Variants in NTRK3 observed in about 807,000 individuals in gnomAD.
NTRK3 encodes NT-3 growth factor receptor.
A neutral mutation model predicts 91.7 loss-of-function variants in NTRK3; 24 were observed. That is an observed-to-expected ratio of 0.26 (90% confidence interval 0.19 to 0.37). The LOEUF (loss-of-function observed/expected upper bound fraction) is 0.37. Ranked by LOEUF, NTRK3 falls within the 10% of genes least tolerant of loss-of-function variation. NTRK3 has a pLI of 1.00. For synonymous variants in NTRK3, 483 were observed against 404.0 expected (o/e 1.20, Z -2.34); for missense variants, 880 against 1,068.9 (o/e 0.82, Z 2.46).
intron 3 of NTRK3, among the ~76,000 whole-genome samples, chr15:88,198,526 C>T (rs1321973019): frequency 6.6e-6 from 1 of 152,198 alleles, no homozygotes; most frequent in African/African-American, 2.4e-5. Context: ...CCCTCTAATT[C>T]CTGAGAAATT....
At chr15:88,103,841 A>G (rs546981146) in intron 13 of NTRK3, among the ~76,000 whole-genome samples, 38 of 152,300 alleles carry the variant, frequency 2.5e-4, no homozygotes, top group African/African-American at 8.4e-4. Context: ...TTGAGAGCCA[A>G]AGGGCAATAG....
intron 13 of NTRK3, among the ~76,000 whole-genome samples, chr15:88,070,624 G>C (rs1435651775): frequency 6.6e-6 from 1 of 151,890 alleles, no homozygotes; most frequent in Non-Finnish European, 1.5e-5. Flanking sequence ...CTTCCTTCCT[G>C]ATCTCCAGTA....
At chr15:87,976,539 T>A (rs2073730724) in intron 14 of NTRK3, among the ~76,000 whole-genome samples, 1 of 152,150 alleles carries the variant, frequency 6.6e-6, no homozygotes, top group African/African-American at 2.4e-5. Context: ...TCTTGCTCCA[T>A]CTCTCCTGCA....
chr15:87,889,289 A>T (rs1284644574), intron 17 of NTRK3, among the ~76,000 whole-genome samples: 1 of 152,180 alleles, frequency 6.6e-6, no homozygotes, highest in Non-Finnish European at 1.5e-5. Context: ...TAGGCTTGAC[A>T]GCAAACCCAA....
chr15:88,149,244 C>T (rs1214437400), intron 5 of NTRK3, among the ~76,000 whole-genome samples: 1 of 152,082 alleles, frequency 6.6e-6, no homozygotes, highest in Non-Finnish European at 1.5e-5. Context: ...CTTGGTTCCA[C>T]CCCAGCCTGA....
Position 88,017,301 on chromosome 15 carries a change from C to A in NTRK3, c.1585+15556G>T, listed in dbSNP as rs565923989. 2.0e-5 allele frequency among the ~76,000 whole-genome samples: 3 copies of A among 152,330 alleles called. No homozygotes were observed. In the East Asian group the frequency reaches 5.8e-4, roughly 29 times the overall value. The stretch of plus-strand genomic sequence containing the variant: ...TAGAAGCTCAGCCCAAGACCAGGAA[C>A]CCTTCATACAGCTCCCCCTTTAGAC... On this transcript the variant is annotated intron_variant, in intron 14 of 18. Coordinates refer to ENST00000394480, the Ensembl canonical transcript of NTRK3.
chr15:88,180,239 T>A (rs1438526531), intron 5 of NTRK3, among the ~76,000 whole-genome samples: 1 of 152,162 alleles, frequency 6.6e-6, no homozygotes, highest in African/African-American at 2.4e-5. Flanking sequence ...ATCTCAGAAA[T>A]CCTTATCCTT....
At chr15:87,895,169 G>C (rs1427057389) in intron 17 of NTRK3, among the ~76,000 whole-genome samples, 1 of 152,144 alleles carries the variant, frequency 6.6e-6, no homozygotes, top group African/African-American at 2.4e-5. Context: ...AGAAACCTTG[G>C]CCAGAAAAGC....
At chr15:88,214,085 G>GA (rs60504271) in intron 3 of NTRK3, among the ~76,000 whole-genome samples, 11 of 150,562 alleles carry the variant, frequency 7.3e-5, no homozygotes, top group Non-Finnish European at 1.0e-4. Context: ...TCTCAAAAAA[G>GA]AAAAAAAAAA....
rs1272975035 is a variant in NTRK3 at position 87,916,677 on chromosome 15, G to T, written c.2133+12514C>A. 1.8e-5 allele frequency: 12 copies of T among 666,916 alleles called. No homozygotes were observed. The African/African-American group carries it at 2.0e-4, about 11-fold the overall frequency. The allele number at this position is 666,916 out of a possible 1,614,324, so 41.3% of individuals were successfully genotyped here. On this transcript the variant is annotated intron_variant, in intron 17 of 18. Transcript: ENST00000394480. ...GTTATTATTTTTTGGCAGGATTAGG[G>T]GGCTAAATATTTTTATTCCACTGGT...
At chr15:87,908,026 G>A (rs2066872055) in intron 17 of NTRK3, among the ~76,000 whole-genome samples, 1 of 152,164 alleles carries the variant, frequency 6.6e-6, no homozygotes, top group African/African-American at 2.4e-5. Context: ...TCTACTCTGT[G>A]CAATTAGGGC....
At chr15:88,155,132 C>G (rs990737297) in intron 5 of NTRK3, among the ~76,000 whole-genome samples, 1 of 152,086 alleles carries the variant, frequency 6.6e-6, no homozygotes, top group African/African-American at 2.4e-5. Context: ...TAACTTACAC[C>G]GCAGAGGTGA....
chr15:88,214,121 G>T (rs1279625034), intron 3 of NTRK3, among the ~76,000 whole-genome samples: 1 of 152,056 alleles, frequency 6.6e-6, no homozygotes, highest in Non-Finnish European at 1.5e-5. Context: ...CGTATGCCAG[G>T]ATCTACGTGC....
intron 3 of NTRK3, among the ~76,000 whole-genome samples, chr15:88,225,204 C>T (rs948688794): frequency 6.6e-6 from 1 of 152,166 alleles, no homozygotes; most frequent in South Asian, 2.1e-4. Flanking sequence ...CAAGGCACCC[C>T]AGTGGATCTC....
intron 14 of NTRK3, among the ~76,000 whole-genome samples, chr15:88,015,861 G>A (rs1442650289): frequency 6.6e-6 from 1 of 152,034 alleles, no homozygotes; most frequent in Non-Finnish European, 1.5e-5. Flanking sequence ...CATCTTGATT[G>A]ACTGATCGCC....
intron 5 of NTRK3, among the ~76,000 whole-genome samples, chr15:88,175,278 A>G (rs1476597821): frequency 1.3e-5 from 2 of 152,252 alleles, no homozygotes; most frequent in Admixed American, 1.3e-4. Flanking sequence ...CATCTGGAAC[A>G]GTAACATCCT....
chr15:88,217,764 A>T (rs1000100698), intron 3 of NTRK3, among the ~76,000 whole-genome samples: 13 of 143,796 alleles, frequency 9.0e-5, no homozygotes, highest in South Asian at 4.4e-4. Context: ...TTGTAGCACA[A>T]TTTTTTTTTT....
intron 17 of NTRK3, among the ~76,000 whole-genome samples, chr15:87,919,078 T>C (rs2141824771): frequency 6.6e-6 from 1 of 151,320 alleles, no homozygotes; most frequent in South Asian, 2.1e-4. Context: ...AATAATGCTA[T>C]TGGTGTGGCC....
exon 19 of NTRK3, chr15:87,862,758 A>G (rs1046769007): frequency 1.3e-5 from 3 of 229,632 alleles, no homozygotes; most frequent in African/African-American, 4.4e-5. Flanking sequence ...AGTCATTTGC[A>G]TTCTTATTGT....
Sources: allele counts gnomAD v4.1 joint callset (sites outside exome capture counted in the v4.1 genomes callset), GRCh38; gene constraint gnomAD v4.1.1; transcripts MANE v1.5; gene names NCBI Gene and HGNC (gene_info 2026-07-23, HGNC 2026-07-21).